ATP8A2: variants seen among roughly 807,000 people sequenced by gnomAD.
ATP8A2 encodes phospholipid-transporting ATPase IB.
ATP8A2 carries 100 observed loss-of-function variants against 165.6 expected under a neutral mutation model. The observed-to-expected ratio is 0.60, with a 90% CI of 0.51 to 0.71. The LOEUF is 0.71. ATP8A2 is among the 30% of genes least tolerant of loss of function. ATP8A2 has a pLI of 0.00. For missense variants in ATP8A2, 1,227 were observed against 1,479.5 expected, an observed-to-expected ratio of 0.83 and a Z score of 2.80; for synonymous variants, 543 against 548.8, an observed-to-expected ratio of 0.99 and a Z score of 0.15.
chr13:25,423,522 C>T (rs2034358485), intron 1 of ATP8A2, among the ~76,000 whole-genome samples: 1 of 152,088 alleles, frequency 6.6e-6, no homozygotes, highest in Admixed American at 6.5e-5. Context: ...AGTACACTTC[C>T]ATGTGATTTT....
At position 25,610,756 on chromosome 13, in the gene ATP8A2, C is replaced by T. The variant is rs374093254; in HGVS notation, c.2211+21057C>T. On this transcript the variant is annotated intron_variant, in intron 24 of 36. Transcript: ENST00000381655. ...TATTTCCATTTGTTTGTGTTGTTTA[C>T]GATTTCTTTCAGCAGTGTTTTGTAT... is the stretch of plus-strand genomic sequence containing the variant. Among the ~76,000 whole-genome samples, 10 of 151,348 alleles carry T rather than the reference C, an allele frequency of 6.6e-5. No homozygotes were observed. The East Asian group carries it at 7.7e-4, about 12-fold the overall frequency.
intron 34 of ATP8A2, among the ~76,000 whole-genome samples, chr13:25,966,243 G>A (rs1955774325): frequency 6.6e-6 from 1 of 152,094 alleles, no homozygotes; most frequent in South Asian, 2.1e-4. Context: ...CTGGACCACT[G>A]GGCAATAAGC....
At chr13:25,427,502 A>AG (rs2034484307) in intron 1 of ATP8A2, among the ~76,000 whole-genome samples, 1 of 152,104 alleles carries the variant, frequency 6.6e-6, no homozygotes, top group Non-Finnish European at 1.5e-5. Flanking sequence ...TCATGGGAAA[A>AG]TTGTCTTACA....
chr13:25,576,067 C>G (rs1470398010), intron 19 of ATP8A2, among the ~76,000 whole-genome samples: 2 of 152,164 alleles, frequency 1.3e-5, no homozygotes, highest in Non-Finnish European at 2.9e-5. Flanking sequence ...TGATAATACT[C>G]CCGCGAAGTA....
chr13:25,964,363 G>A (rs1484461612), intron 34 of ATP8A2, among the ~76,000 whole-genome samples: 1 of 152,078 alleles, frequency 6.6e-6, no homozygotes, highest in African/African-American at 2.4e-5. Context: ...CAGTTTATTG[G>A]TGCATTTTCC....
rs1309753005 is a variant in ATP8A2, at chr13:25,750,273, T to A, written c.2385-18773T>A. On this transcript the variant is annotated intron_variant, in intron 25 of 36. Coordinates refer to ENST00000381655, the MANE Select transcript of ATP8A2 (RefSeq NM_016529.6). This position sits in a 1 kb window ranked among gnomAD's most constrained non-coding sequence, Gnocchi z 4.3. The stretch of plus-strand genomic sequence containing the variant: ...GAGCAGGCTGCATTTCTCAGAGTAG[T>A]CGCTAGAGTTTTCAGGAGACCAAAT... Among the ~76,000 whole-genome samples the A allele has an allele frequency of 2.0e-5, 3 of 152,144 alleles. No homozygotes were observed. Among genetic ancestry groups the A allele is most frequent in the African/African-American group, 7.2e-5 (3 of 41,430 alleles).
intron 2 of ATP8A2, among the ~76,000 whole-genome samples, chr13:25,505,134 A>C (rs1343045952): frequency 7.2e-6 from 1 of 138,916 alleles, no homozygotes; most frequent in Non-Finnish European, 1.5e-5. Context: ...CTTTGACTCC[A>C]GTCTCAAGTT....
At chr13:25,451,105 A>T (rs1225136782) in intron 1 of ATP8A2, among the ~76,000 whole-genome samples, 2 of 151,872 alleles carry the variant, frequency 1.3e-5, no homozygotes, top group East Asian at 3.9e-4. Flanking sequence ...GACCCCCATG[A>T]GGTTGTCTCG....
intron 2 of ATP8A2, among the ~76,000 whole-genome samples, chr13:25,511,863 T>A (rs2037235494): frequency 6.6e-6 from 1 of 152,130 alleles, no homozygotes; most frequent in Non-Finnish European, 1.5e-5. Flanking sequence ...CTTGTTAATA[T>A]TATCTTTCTC....
chr13:25,395,983 AC>A (rs1418813333), intron 1 of ATP8A2, among the ~76,000 whole-genome samples: 16 of 143,454 alleles, frequency 1.1e-4, no homozygotes, highest in South Asian at 9.2e-4. Context: ...AGCTGGGACT[AC>A]AGGTGTGCAT....
chr13:25,459,506 A>T (rs1322032465), intron 1 of ATP8A2, among the ~76,000 whole-genome samples: 1 of 152,236 alleles, frequency 6.6e-6, no homozygotes, highest in Non-Finnish European at 1.5e-5. Flanking sequence ...GAGCTCCTAG[A>T]GAATGTTGGA....
rs1023424237 is a variant in ATP8A2 at position 26,022,119 on chromosome 13, C to T, written c.*2134C>T. 2 of 152,162 alleles carry T rather than the reference C, an allele frequency of 1.3e-5. No individual in the cohort carries two copies. Among genetic ancestry groups the T allele is most frequent in the African/African-American group, 4.8e-5 (2 of 41,446 alleles). 9.4% of individuals were successfully genotyped at this position (152,162 alleles called of 1,614,324 possible). A position where few individuals can be genotyped will look rare whatever the true frequency, so the allele number is the denominator to read the frequency against. Reference sequence around the variant, plus strand: ...CCAGCAAGACGGAAGGACTGTCATGCAGGAACTCTAACACAAAATGTGCCT... The same window carrying T: ...CCAGCAAGACGGAAGGACTGTCATGTAGGAACTCTAACACAAAATGTGCCT... On this transcript the variant is annotated 3_prime_UTR_variant, in exon 37 of 37. Coordinates refer to ENST00000381655, the MANE Select transcript of ATP8A2 (RefSeq NM_016529.6).
chr13:25,920,027 A>G (rs979545723), intron 33 of ATP8A2, among the ~76,000 whole-genome samples: 9 of 152,146 alleles, frequency 5.9e-5, no homozygotes, highest in East Asian at 1.9e-4. Flanking sequence ...GGCTCAAGCA[A>G]TCCTCCCACC....
At chr13:25,408,331 T>C (rs1051688215) in intron 1 of ATP8A2, among the ~76,000 whole-genome samples, 16 of 151,628 alleles carry the variant, frequency 1.1e-4, no homozygotes, top group Non-Finnish European at 2.1e-4. Flanking sequence ...AGGCGGAGGT[T>C]GCAGTGAGCC....
chr13:25,666,106 A>G (rs1429686397), intron 24 of ATP8A2, among the ~76,000 whole-genome samples: 6 of 152,078 alleles, frequency 3.9e-5, no homozygotes, highest in Middle Eastern at 3.4e-3. Flanking sequence ...TTGTCATTGT[A>G]TAATTTAGGT....
intron 34 of ATP8A2, among the ~76,000 whole-genome samples, chr13:25,963,829 TTATC>T (rs1955716859): frequency 6.6e-6 from 1 of 152,222 alleles, no homozygotes; most frequent in Non-Finnish European, 1.5e-5. Flanking sequence ...ACAAAGCAAA[TTATC>T]TATTCCCTCA....
intron 24 of ATP8A2, among the ~76,000 whole-genome samples, chr13:25,673,487 G>T (rs942769743): frequency 2.6e-5 from 4 of 152,202 alleles, no homozygotes; most frequent in Non-Finnish European, 4.4e-5. Context: ...TATAGAAATA[G>T]AAGTCAAACA....
chr13:25,768,978 A>G, intron 25 of ATP8A2, 68 bp from the exon 26 acceptor site: 1 of 1,416,096 alleles, frequency 7.1e-7, no homozygotes, highest in Non-Finnish European at 1.0e-6. Flanking sequence ...AATGCAGCGG[A>G]ATGTAGATTA....
chr13:25,943,316 A>G (rs1423199241), intron 33 of ATP8A2, among the ~76,000 whole-genome samples: 1 of 152,220 alleles, frequency 6.6e-6, no homozygotes, highest in Admixed American at 6.5e-5. Flanking sequence ...GATTCTAGTC[A>G]TGCACGATGT....
Sources: gnomAD v4.1 joint callset for allele counts (sites outside exome capture counted in the v4.1 genomes callset) on GRCh38, gnomAD v4.1.1 for gene constraint, Gnocchi (gnomAD v3.1) non-coding constraint, MANE v1.5 for transcripts, NCBI Gene and HGNC (gene_info 2026-07-23, HGNC 2026-07-21) for gene names.